The following PLBD1 variants were observed in gnomAD, a reference collection of about 807,000 sequenced individuals.
PLBD1 encodes phospholipase B domain containing 1, also known as lysosomal leucine aminopeptidase.
Under a neutral mutation model 63.0 loss-of-function variants are expected in PLBD1, and 60 were observed. The observed-to-expected ratio is 0.95, with a 90% CI of 0.77 to 1.18. The LOEUF (loss-of-function observed/expected upper bound fraction) is 1.18. Ranked by LOEUF, PLBD1 falls within the 50% of genes most tolerant of loss-of-function variation. The pLI is 0.00. For synonymous variants in PLBD1, 262 were observed against 248.0 expected, an observed-to-expected ratio of 1.06 and a Z score of -0.53; for missense variants, 598 against 677.9, an observed-to-expected ratio of 0.88 and a Z score of 1.31.
At chr12:14,527,588 A>G (rs36009351) in intron 6 of PLBD1, among the ~76,000 whole-genome samples, 32,305 of 152,120 alleles carry the variant, frequency 0.21, 4,423 homozygotes, top group Non-Finnish European at 0.3. Context: ...CCTCCAGCAC[A>G]TAAGATTTCA....
At chr12:14,549,961 C>CCCAG (rs1255759642) in intron 2 of PLBD1, among the ~76,000 whole-genome samples, 1 of 152,180 alleles carries the variant, frequency 6.6e-6, no homozygotes, top group African/African-American at 2.4e-5. Context: ...AGACACCGTG[C>CCCAG]CCAGCCACTC....
intron 2 of PLBD1, among the ~76,000 whole-genome samples, chr12:14,545,803 T>C (rs1196790394): frequency 6.6e-6 from 1 of 152,262 alleles, no homozygotes; most frequent in Non-Finnish European, 1.5e-5. Flanking sequence ...TAATAAACTT[T>C]ACCTCATGAG....
In PLBD1 at chr12:14,527,940, C is replaced by CA. The variant is rs1042986464; in HGVS notation, c.844+7718dup. On this transcript the variant is annotated intron_variant, in intron 6 of 10. Coordinates refer to ENST00000240617, the MANE Select transcript of PLBD1 (RefSeq NM_024829.6). ...TTAAGGCAAGGAGTTGTACTAGAGACAAAAAAAAAAGACGTTTCATAATGA... is the reference window on the plus strand; with the variant it reads ...TTAAGGCAAGGAGTTGTACTAGAGACAAAAAAAAAAAGACGTTTCATAATGA... 6.2e-4 allele frequency among the ~76,000 whole-genome samples: 86 copies of CA among 138,590 alleles called. 1 individual carries two copies. The highest frequency in any genetic ancestry group is 1.9e-3 in the African/African-American group (71 of 37,562). The allele number at this position is 138,590 out of a possible 152,430, so 90.9% of individuals were successfully genotyped here. A position where few individuals can be genotyped will look rare whatever the true frequency, so the allele number is the denominator to read the frequency against.
intron 4 of PLBD1, 89 bp from the exon 5 acceptor site, chr12:14,536,799 C>T (rs916044904): frequency 1.3e-6 from 2 of 1,512,888 alleles, no homozygotes; most frequent in African/African-American, 2.8e-5. Context: ...TTAAATTATT[C>T]CCTTGCAGGC....
Position 14,567,605 on chromosome 12 carries a change from G to A in PLBD1, c.92C>T (p.Thr31Ile). ...LLLLLPLLLV[T>I]AEPPKPAGVY... ...ACCTGCAGGTTTCGGCGGCTCCGCG[G>A]TGACTAACAACAGCGGCAGCAGCAG... is the stretch of plus-strand genomic sequence containing the variant. Residue 31 changes from threonine (T) to isoleucine (I), a missense_variant, in exon 1 of 11, where the codon ACC becomes ATC. Transcript: ENST00000240617. 1 of 1,497,950 alleles carries A rather than the reference G, an allele frequency of 6.7e-7. No homozygotes were observed. Among genetic ancestry groups the A allele is most frequent in the Non-Finnish European group, 8.8e-7 (1 of 1,132,390 alleles). 92.8% of individuals were successfully genotyped at this position (1,497,950 alleles called of 1,614,324 possible). A position where few individuals can be genotyped will look rare whatever the true frequency, so the allele number is the denominator to read the frequency against.
At chr12:14,511,896 T>C (rs557874641) in intron 6 of PLBD1, among the ~76,000 whole-genome samples, 185 bp from the exon 7 acceptor site, 3 of 152,326 alleles carry the variant, frequency 2.0e-5, no homozygotes, top group African/African-American at 7.2e-5. Context: ...CTGCCCCTTA[T>C]AGAGGTGCCA....
chr12:14,511,150 T>TA, intron 8 of PLBD1, 110 bp downstream of exon 8: 1 of 1,095,382 alleles, frequency 9.1e-7, no homozygotes, highest in Non-Finnish European at 1.3e-6. Flanking sequence ...CATCCTGTCT[T>TA]CCCCACCATA....
At chr12:14,526,859 C>T (rs1211694081) in intron 6 of PLBD1, among the ~76,000 whole-genome samples, 2 of 152,130 alleles carry the variant, frequency 1.3e-5, no homozygotes, top group Non-Finnish European at 2.9e-5. Flanking sequence ...GTAATCCCAG[C>T]TACTCGGGAG....
intron 6 of PLBD1, among the ~76,000 whole-genome samples, chr12:14,524,683 G>A (rs990041129): frequency 7.9e-5 from 12 of 152,248 alleles, no homozygotes; most frequent in Admixed American, 3.3e-4. Flanking sequence ...TCAAGTCATG[G>A]TATTTGCTAT....
intron 6 of PLBD1, among the ~76,000 whole-genome samples, chr12:14,530,593 T>C (rs1489281641): frequency 6.6e-6 from 1 of 152,194 alleles, no homozygotes; most frequent in East Asian, 1.9e-4. Context: ...GAAAACTACA[T>C]GATATGACTC....
chr12:14,540,053 T>TACATACACACAC (rs1945557456), intron 4 of PLBD1, among the ~76,000 whole-genome samples: 1 of 87,352 alleles, frequency 1.1e-5, no homozygotes, highest in Non-Finnish European at 2.1e-5. Context: ...TATATATATA[T>TACATACACACAC]ACACACACAC....
intron 6 of PLBD1, among the ~76,000 whole-genome samples, chr12:14,522,900 C>A (rs1381776915): frequency 6.6e-6 from 1 of 152,044 alleles, no homozygotes; most frequent in Non-Finnish European, 1.5e-5. Flanking sequence ...AAATTCACAG[C>A]TAGCATCATA....
chr12:14,558,219 T>C (rs1945721622), intron 1 of PLBD1, among the ~76,000 whole-genome samples: 2 of 152,050 alleles, frequency 1.3e-5, no homozygotes, highest in African/African-American at 4.8e-5. Flanking sequence ...TAGGCCTAAG[T>C]CAATTGACTT....
chr12:14,553,856 C>T (rs144995612), intron 1 of PLBD1: 108 of 184,254 alleles, frequency 5.9e-4, no homozygotes, highest in African/African-American at 1.6e-3. Context: ...TCAGGAGGGA[C>T]GCACATGGAG....
intron 1 of PLBD1, among the ~76,000 whole-genome samples, chr12:14,561,311 A>G (rs1431631401): frequency 6.6e-6 from 1 of 152,040 alleles, no homozygotes; most frequent in East Asian, 1.9e-4. Context: ...TGTCACTGGC[A>G]GCTGAAATCA....
intron 4 of PLBD1, among the ~76,000 whole-genome samples, chr12:14,538,045 A>T (rs1477032294): frequency 6.6e-6 from 1 of 151,992 alleles, no homozygotes; most frequent in Non-Finnish European, 1.5e-5. Flanking sequence ...TGTAAATAAA[A>T]TTTTTAAAAA....
At chr12:14,505,435 G>A (rs764139604) in intron 10 of PLBD1, among the ~76,000 whole-genome samples, 4 of 152,114 alleles carry the variant, frequency 2.6e-5, no homozygotes, top group Non-Finnish European at 4.4e-5. Flanking sequence ...ACCCTCAGAC[G>A]TCCCAAATCC....
At chr12:14,565,479 A>C (rs1945774086) in intron 1 of PLBD1, among the ~76,000 whole-genome samples, 1 of 152,034 alleles carries the variant, frequency 6.6e-6, no homozygotes, top group South Asian at 2.1e-4. Flanking sequence ...TAGTAAAAAA[A>C]AAAAAAAGTA....
chr12:14,553,595 G>A, intron 1 of PLBD1, 183 bp from the exon 2 acceptor site: 1 of 621,344 alleles, frequency 1.6e-6, no homozygotes, highest in Non-Finnish European at 2.8e-6. Flanking sequence ...TCCCAATCAA[G>A]GGGGATAAGC....
Sources: gnomAD v4.1 joint callset for allele counts (sites outside exome capture counted in the v4.1 genomes callset) on GRCh38, gnomAD v4.1.1 for gene constraint, MANE v1.5 for transcripts, NCBI Gene and HGNC (gene_info 2026-07-23, HGNC 2026-07-21) for gene names.